Variants in BAG6 observed in about 807,000 individuals in gnomAD.
The protein encoded by BAG6 is BAG cochaperone 6.
Under a neutral mutation model 121.0 loss-of-function variants are expected in BAG6, and 22 were observed. The observed-to-expected ratio is 0.18, with a 90% confidence interval of 0.13 to 0.26. BAG6 has a LOEUF of 0.26. Among genes scored for constraint, BAG6 ranks in the 10% least tolerant of loss-of-function variants. BAG6 has a pLI of 1.00. For missense variants in BAG6, 1,233 were observed against 1,537.7 expected (o/e 0.80, Z 3.31); for synonymous variants, 583 against 584.6 (o/e 1.00, Z 0.04).
In BAG6 at chr6:31,641,173, G is replaced by A. The variant is rs1348039857; in HGVS notation, c.2718C>T (p.Cys906=). The A allele has an allele frequency of 6.2e-7, 1 of 1,613,690 alleles. No individual in the cohort carries two copies. Among genetic ancestry groups the A allele is most frequent in the Non-Finnish European group, 8.5e-7 (1 of 1,180,028 alleles). The change falls in exon 20 of 26, where the codon TGC becomes TGT. Residue 906 remains cysteine (C), a synonymous_variant. Transcript: ENST00000676615. The surrounding 1 kb of genome is among the most constrained non-coding windows in gnomAD (Gnocchi z 5.7). ...CCAAGCAGTGCAGGTTTAGGGCCAG[G>A]CATTCAAACAGGCCTTGGTTACACA... ...LELCNQGLFE[C]LALNLHCLGG... is the part of the protein sequence containing the mutation.
rs1488475879 is a variant in BAG6, at chr6:31,647,772, C to T, written c.607G>A (p.Val203Met). 6.3e-7 allele frequency: 1 copy of T among 1,593,882 alleles called. No individual in the cohort carries two copies. The highest frequency in any genetic ancestry group is 8.5e-7 in the Non-Finnish European group (1 of 1,172,646). Residue 203 changes from valine to methionine, a missense_variant, in exon 7 of 26, where the codon GTG becomes ATG. Around this residue, in one of 7 missense-constraint regions of BAG6, gnomAD observed 777 missense variants for 861.4 expected, o/e 0.90. Coordinates refer to ENST00000676615, the MANE Select transcript of BAG6 (RefSeq NM_001387994.1). ...CTCAAGGCTACTGGCTCCGGGGTCACAGCCGGTGGCTGCGGGGGCGGCTGA... is the reference window on the plus strand; with the variant it reads ...CTCAAGGCTACTGGCTCCGGGGTCATAGCCGGTGGCTGCGGGGGCGGCTGA... ...HSQPPPQPPA[V>M]TPEPVALSSQ...
intron 25 of BAG6, 44 bp from the exon 26 acceptor site, chr6:31,639,270 C>A (rs764335963): frequency 6.4e-7 from 1 of 1,564,178 alleles, no homozygotes; most frequent in African/African-American, 1.4e-5. Context: ...CTGGCCAAGT[C>A]CCCATGATCC....
Position 31,642,123 on chromosome 6 carries a change from T to A in BAG6, c.2324A>T (p.Asp775Val). ...GSSNIFEPGA[D>V]GALGFFGALL... ...TCCTTTTTGCTCACCAAGGGCCCCA[T>A]CAGCTCCAGGCTCAAAGATGTTGCT... The change falls in exon 16 of 26, where the codon GAT (aspartate) becomes GTT (valine). Residue 775 changes from aspartate (D) to valine (V), a missense_variant. Asp to Val is a radical substitution (Grantham distance 152). This residue lies in a region of BAG6 where 288 missense variants were observed against 483.1 expected (regional missense o/e 0.60). Coordinates refer to ENST00000676615, the MANE Select transcript of BAG6 (RefSeq NM_001387994.1). 1 of 1,612,198 alleles carries A rather than the reference T, an allele frequency of 6.2e-7. No homozygotes were observed. Among genetic ancestry groups the A allele is most frequent in the South Asian group, 1.1e-5 (1 of 91,080 alleles).
chr6:31,641,896 C>T lies in BAG6; in HGVS notation c.2385G>A (p.Val795=). 1 of 1,612,956 alleles carries T rather than the reference C, an allele frequency of 6.2e-7. No individual in the cohort carries two copies. The highest frequency in any genetic ancestry group is 8.5e-7 in the Non-Finnish European group (1 of 1,180,022). ...GCCCATGGAGAAGCATCACTACGTC[C>T]ACCATAGAGAAGTTCTGGCACAGAA... ...LSLLCQNFSM[V]DVVMLLHGHF... is the part of the protein sequence containing the mutation. The change falls in exon 17 of 26, where the codon GTG becomes GTA. Residue 795 remains valine, a synonymous_variant. Coordinates refer to ENST00000676615, the MANE Select transcript of BAG6 (RefSeq NM_001387994.1). This position sits in a 1 kb window ranked among gnomAD's most constrained non-coding sequence, Gnocchi z 5.7.
intron 14 of BAG6, 86 bp from the exon 15 acceptor site, chr6:31,643,201 G>A: frequency 7.2e-7 from 1 of 1,384,688 alleles, no homozygotes; most frequent in Non-Finnish European, 9.7e-7. Flanking sequence ...CAAGGCATGA[G>A]AACTGCTTGA....
In BAG6 at chr6:31,639,515, C is replaced by T; in HGVS notation, c.3378G>A (p.Glu1126=). Residue 1126 remains glutamate (E), a synonymous_variant, in exon 25 of 26, where the codon GAG becomes GAA. Coordinates refer to ENST00000676615, the MANE Select transcript of BAG6 (RefSeq NM_001387994.1). ...SRDLEAPEVQ[E]SYRQQLRSDI... ...AAGGTGGCACCTGCTGCCTGTAGCT[C>T]TCCTGAACCTCTGGTGCCTCCAGGT... 1 of 1,614,036 alleles carries T rather than the reference C, an allele frequency of 6.2e-7. No individual in the cohort carries two copies. The highest frequency in any genetic ancestry group is 8.5e-7 in the Non-Finnish European group (1 of 1,179,952).
chr6:31,639,328 A>C, intron 25 of BAG6, 102 bp from the exon 26 acceptor site: 1 of 1,409,308 alleles, frequency 7.1e-7, no homozygotes, highest in Non-Finnish European at 9.9e-7. Context: ...TTCCCCCCCC[A>C]AGCACACTGT....
intron 14 of BAG6, 57 bp from the exon 15 acceptor site, chr6:31,643,172 C>G: frequency 6.7e-7 from 1 of 1,502,928 alleles, no homozygotes; most frequent in Non-Finnish European, 8.8e-7. Flanking sequence ...TGGCTGTAAT[C>G]CTAGCAACTT....
rs1475995402 is a variant in BAG6, at chr6:31,640,866, C to A, written c.2860G>T (p.Val954Leu). Residue 954 changes from valine to leucine, a missense_variant, in exon 21 of 26, where the codon GTG becomes TTG. Physicochemically the swap from Val to Leu is conservative, Grantham distance 32. Coordinates refer to ENST00000676615, the MANE Select transcript of BAG6 (RefSeq NM_001387994.1). This position sits in a 1 kb window ranked among gnomAD's most constrained non-coding sequence, Gnocchi z 4.2. ...CCTACAGGCATGTGCTCCAGTACCACCTGAAGCCTCAGTCCCATCATAGTG... is the reference window on the plus strand; with the variant it reads ...CCTACAGGCATGTGCTCCAGTACCAACTGAAGCCTCAGTCCCATCATAGTG... ...LTTMMGLRLQ[V>L]VLEHMPVGPD... The A allele has an allele frequency of 6.2e-7, 1 of 1,612,696 alleles. No individual in the cohort carries two copies. The highest frequency in any genetic ancestry group is 8.5e-7 in the Non-Finnish European group (1 of 1,180,038).
chr6:31,644,169 T>C lies in BAG6; in HGVS notation c.1581A>G (p.Thr527=). ...AAGQQVPGFP[T]APTRVVIARP... Reference sequence around the variant, plus strand: ...GGGCAATCACCACCCGGGTTGGAGCTGTTGGGAAGCCTGGCACCTGCTGTC... The same window carrying C: ...GGGCAATCACCACCCGGGTTGGAGCCGTTGGGAAGCCTGGCACCTGCTGTC... The change falls in exon 13 of 26, where the codon ACA becomes ACG. Residue 527 remains threonine, a synonymous_variant. Transcript: ENST00000676615. This position sits in a 1 kb window ranked among gnomAD's most constrained non-coding sequence, Gnocchi z 4.9. The C allele has an allele frequency of 6.2e-7, 1 of 1,613,856 alleles. No homozygotes were observed. The highest frequency in any genetic ancestry group is 8.5e-7 in the Non-Finnish European group (1 of 1,179,960).
Position 31,643,721 on chromosome 6 carries a change from CAAAAAAAA to C in BAG6, c.1756+161_1756+168del, listed in dbSNP as rs9281540. On this transcript the variant is annotated intron_variant, in intron 14 of 25. Transcript: ENST00000676615. Reference sequence around the variant, plus strand: ...CTAGCAACAGAGTGAGACTCCATCTCAAAAAAAAAAAAAAAAAAAAAAAAAGCTGAAAC... The same window carrying C: ...CTAGCAACAGAGTGAGACTCCATCTCAAAAAAAAAAAAAAAAAGCTGAAAC... Among the ~76,000 whole-genome samples the C allele has an allele frequency of 7.7e-3, 513 of 66,310 alleles. 7 individuals are homozygous for C. Among genetic ancestry groups the C allele is most frequent in the African/African-American group, 0.05 (470 of 9,404 alleles). 43.5% of individuals were successfully genotyped at this position (66,310 alleles called of 152,430 possible).
In BAG6 at chr6:31,642,243, AC is replaced by A; in HGVS notation, c.2203del (p.Val735CysfsTer63). ...SLSPEFFTSV[V>X]QGVLSSLLGS... The stretch of plus-strand genomic sequence containing the variant: ...CAGCAGGGAGCTGAGCACACCCTGC[AC>A]CACTGAGGTAAAAAACTCCGGTGAC... On this transcript the variant is annotated frameshift_variant, in exon 16 of 26. Coordinates refer to ENST00000676615, the MANE Select transcript of BAG6 (RefSeq NM_001387994.1). LOFTEE classifies it high-confidence loss of function. 6.2e-7 allele frequency: 1 copy of A among 1,612,516 alleles called. No individual in the cohort carries two copies. The highest frequency in any genetic ancestry group is 8.5e-7 in the Non-Finnish European group (1 of 1,179,826).
intron 4 of BAG6, 32 bp downstream of exon 4, chr6:31,649,167 C>G (rs1793561785): frequency 6.2e-7 from 1 of 1,611,740 alleles, no homozygotes; most frequent in Non-Finnish European, 8.5e-7. Context: ...AAGCTACCCA[C>G]AAAAGCCCTC....
chr6:31,648,780 G>C, intron 5 of BAG6, 29 bp from the exon 6 acceptor site: 2 of 1,613,186 alleles, frequency 1.2e-6, no homozygotes, highest in South Asian at 1.1e-5. Flanking sequence ...TATCAGGGTA[G>C]GTTACAGATG....
Position 31,641,462 on chromosome 6 carries a change from T to G in BAG6, c.2560-40A>C. ...AACACAAAGATCCCAAAATCAAGAA[T>G]CATAAGACTGGGAGTGGAGGAGGCA... On this transcript the variant is annotated intron_variant, in intron 18 of 25. Transcript: ENST00000676615. The surrounding 1 kb of genome is among the most constrained non-coding windows in gnomAD (Gnocchi z 5.7). The G allele has an allele frequency of 6.2e-7, 1 of 1,613,884 alleles. No homozygotes were observed. The highest frequency in any genetic ancestry group is 2.2e-5 in the East Asian group (1 of 44,876).
intron 2 of BAG6, among the ~76,000 whole-genome samples, chr6:31,650,344 A>C (rs805301): frequency 0.44 from 67,373 of 151,740 alleles, 15,637 homozygotes; most frequent in African/African-American, 0.59. Flanking sequence ...TATCAGGTTA[A>C]TGAAGAAAGA....
Position 31,640,544 on chromosome 6 carries a change from C to T in BAG6, c.2995-16G>A, listed in dbSNP as rs375037442. 105 of 1,612,564 alleles carry T rather than the reference C, an allele frequency of 6.5e-5. No individual in the cohort carries two copies. The highest frequency in any genetic ancestry group is 8.1e-5 in the Non-Finnish European group (96 of 1,179,802). On this transcript the variant is annotated splice_polypyrimidine_tract_variant and intron_variant, in intron 22 of 25. Transcript: ENST00000676615. This position sits in a 1 kb window ranked among gnomAD's most constrained non-coding sequence, Gnocchi z 4.2. ...CATTCTCCCGCTGGGTGTCAGATGGCGGGAAGAGCCAGGCTTCAGAATTTT... is the reference window on the plus strand; with the variant it reads ...CATTCTCCCGCTGGGTGTCAGATGGTGGGAAGAGCCAGGCTTCAGAATTTT...
Position 31,641,735 on chromosome 6 carries a change from T to C in BAG6, c.2505+41A>G. 1 of 1,611,998 alleles carries C rather than the reference T, an allele frequency of 6.2e-7. No homozygotes were observed. ...GCAGTCAGAAATAAGGAATAAAATG[T>C]GCAAAAGAGGAGAGTTCTGGGGCCC... On this transcript the variant is annotated intron_variant, in intron 17 of 25. Coordinates refer to ENST00000676615, the MANE Select transcript of BAG6 (RefSeq NM_001387994.1). The surrounding 1 kb of genome is among the most constrained non-coding windows in gnomAD (Gnocchi z 5.7).
At chr6:31,651,554 A>G in intron 2 of BAG6, 102 bp downstream of exon 2, 1 of 1,098,836 alleles carries the variant, frequency 9.1e-7, no homozygotes, top group Admixed American at 2.1e-5. Flanking sequence ...AAAGAAAAAA[A>G]AAGAAAATCT....
Sources: allele counts gnomAD v4.1 joint callset (sites outside exome capture counted in the v4.1 genomes callset), GRCh38; gene constraint gnomAD v4.1.1; regional missense constraint gnomAD v4.1.1; non-coding constraint Gnocchi (gnomAD v3.1); transcripts MANE v1.5; gene names NCBI Gene and HGNC (gene_info 2026-07-23, HGNC 2026-07-21).